The following POU6F2 variants were observed in gnomAD, a reference collection of about 807,000 sequenced individuals.
The protein encoded by POU6F2 is POU domain, class 6, transcription factor 2.
A neutral mutation model predicts 71.3 loss-of-function variants in POU6F2; 31 were observed. The observed-to-expected ratio is 0.43, with a 90% CI of 0.33 to 0.59. POU6F2 has a LOEUF of 0.59. Among genes scored for constraint, POU6F2 ranks in the 20% least tolerant of loss-of-function variants. POU6F2 has a pLI of 0.04. For synonymous variants in POU6F2, 347 were observed against 355.7 expected (o/e 0.98, Z 0.27); for missense variants, 783 against 856.8 (o/e 0.91, Z 1.07).
chr7:39,337,003 C>T (rs559604171), intron 4 of POU6F2, among the ~76,000 whole-genome samples: 25 of 152,186 alleles, frequency 1.6e-4, no homozygotes, highest in African/African-American at 6.0e-4. Flanking sequence ...TGTGTAAATC[C>T]CATCCGATAC....
intron 2 of POU6F2, among the ~76,000 whole-genome samples, chr7:39,171,621 A>G (rs962972504): frequency 2.0e-5 from 3 of 152,162 alleles, no homozygotes; most frequent in Non-Finnish European, 4.4e-5. Flanking sequence ...TAATCCCTCA[A>G]CTGGTTAATG....
chr7:39,090,483 G>A (rs1158572413), intron 2 of POU6F2, among the ~76,000 whole-genome samples: 5 of 152,072 alleles, frequency 3.3e-5, no homozygotes. Context: ...CATCAGTGGA[G>A]GCCTTCATTA....
chr7:39,126,884 G>T lies in POU6F2; in HGVS notation c.277+40853G>T, dbSNP rs552612405. ...TAATTTATTAGACCAGTGGGCTAAA[G>T]AAATAGATTAAAGACTTTAAAAGCA... On this transcript the variant is annotated intron_variant, in intron 2 of 9. Coordinates refer to ENST00000518318, the MANE Select transcript of POU6F2 (RefSeq NM_001370959.1). 2.6e-4 allele frequency among the ~76,000 whole-genome samples: 40 copies of T among 152,214 alleles called. No individual in the cohort carries two copies. In the South Asian group the frequency reaches 8.3e-3, roughly 32 times the overall value.
chr7:39,439,862 G>A (rs1017320654), intron 7 of POU6F2, among the ~76,000 whole-genome samples: 8 of 143,538 alleles, frequency 5.6e-5, no homozygotes, highest in African/African-American at 2.2e-4. Context: ...AGGAGCTCTT[G>A]CAGAGCAGGT....
At chr7:39,382,989 T>C (rs1007466070) in intron 5 of POU6F2, among the ~76,000 whole-genome samples, 3 of 152,240 alleles carry the variant, frequency 2.0e-5, no homozygotes, top group African/African-American at 7.2e-5. Context: ...ATATATCATG[T>C]AGTTTTTAAA....
intron 7 of POU6F2, among the ~76,000 whole-genome samples, chr7:39,446,951 C>T (rs867660790): frequency 3.0e-4 from 46 of 152,030 alleles, no homozygotes; most frequent in African/African-American, 9.7e-4. Context: ...AACAGTAGGG[C>T]GAATAAATAG....
chr7:39,244,281 C>T (rs1783780695), intron 4 of POU6F2, among the ~76,000 whole-genome samples: 1 of 152,140 alleles, frequency 6.6e-6, no homozygotes, highest in East Asian at 1.9e-4. Flanking sequence ...CAGAAAACAG[C>T]ATTTTGCCCC....
At chr7:39,303,260 G>A (rs1202493470) in intron 4 of POU6F2, among the ~76,000 whole-genome samples, 1 of 152,066 alleles carries the variant, frequency 6.6e-6, no homozygotes, top group Non-Finnish European at 1.5e-5. Context: ...CCATTCTCCT[G>A]CCTTAGCCTC....
At chr7:39,173,434 G>A (rs918666804) in intron 2 of POU6F2, among the ~76,000 whole-genome samples, 1 of 152,190 alleles carries the variant, frequency 6.6e-6, no homozygotes, top group African/African-American at 2.4e-5. Context: ...GGGTAGAGTT[G>A]CTGTAGAGTT....
At chr7:39,069,562 C>T (rs10479859) in intron 1 of POU6F2, among the ~76,000 whole-genome samples, 6,927 of 152,218 alleles carry the variant, frequency 0.046, 223 homozygotes, top group Non-Finnish European at 0.067. Context: ...AGTGCAAAAT[C>T]CACATGCAAC....
intron 1 of POU6F2, among the ~76,000 whole-genome samples, chr7:39,035,583 G>A (rs1250309586): frequency 1.3e-5 from 2 of 152,096 alleles, no homozygotes; most frequent in Non-Finnish European, 2.9e-5. Flanking sequence ...TTCTTCCTGC[G>A]AATCAGGTTT....
intron 1 of POU6F2, among the ~76,000 whole-genome samples, chr7:38,987,858 C>T (rs1331961547): frequency 6.6e-6 from 1 of 152,124 alleles, no homozygotes; most frequent in Non-Finnish European, 1.5e-5. Flanking sequence ...ACCATGCCAT[C>T]TTTCCCTACA....
chr7:39,402,032 T>A (rs1279253681), intron 5 of POU6F2, among the ~76,000 whole-genome samples: 1 of 152,114 alleles, frequency 6.6e-6, no homozygotes, highest in Non-Finnish European at 1.5e-5. Context: ...AATAATAGAA[T>A]CATATAATCA....
At chr7:39,124,048 C>CTTTT (rs367553456) in intron 2 of POU6F2, among the ~76,000 whole-genome samples, 20 of 130,178 alleles carry the variant, frequency 1.5e-4, no homozygotes, top group East Asian at 4.5e-4. Flanking sequence ...TAGACTGGGC[C>CTTTT]TTTTTTTTTT....
chr7:39,254,183 T>C (rs1783975239), intron 4 of POU6F2, among the ~76,000 whole-genome samples: 2 of 152,252 alleles, frequency 1.3e-5, no homozygotes, highest in Middle Eastern at 6.8e-3. Context: ...ATAAAAAGGC[T>C]CACAAATATT....
At chr7:39,179,858 A>G (rs1793404634) in intron 2 of POU6F2, among the ~76,000 whole-genome samples, 1 of 152,204 alleles carries the variant, frequency 6.6e-6, no homozygotes, top group East Asian at 1.9e-4. Flanking sequence ...CTTAAGGCCC[A>G]CCACTTAAGC....
intron 4 of POU6F2, among the ~76,000 whole-genome samples, chr7:39,304,151 C>T (rs959929247): frequency 1.3e-5 from 2 of 152,022 alleles, no homozygotes; most frequent in Non-Finnish European, 2.9e-5. Flanking sequence ...TAAAAGCCCA[C>T]CGAAATGAAA....
intron 2 of POU6F2, among the ~76,000 whole-genome samples, chr7:39,104,065 G>T (rs569006792): frequency 6.6e-6 from 1 of 152,334 alleles, no homozygotes; most frequent in South Asian, 2.1e-4. Context: ...AACTAGATAG[G>T]CTCGAAATTC....
intron 5 of POU6F2, among the ~76,000 whole-genome samples, chr7:39,383,663 A>C (rs960595727): frequency 3.3e-5 from 5 of 152,148 alleles, no homozygotes; most frequent in Non-Finnish European, 7.3e-5. Context: ...GGTGTCCACA[A>C]TCACACAACA....
Sources: gnomAD v4.1 joint callset for allele counts (sites outside exome capture counted in the v4.1 genomes callset) on GRCh38, gnomAD v4.1.1 for gene constraint, MANE v1.5 for transcripts, NCBI Gene and HGNC (gene_info 2026-07-23, HGNC 2026-07-21) for gene names.